TMEM132D: variants seen among roughly 807,000 people sequenced by gnomAD.
TMEM132D encodes the protein transmembrane protein 132D.
In TMEM132D, 21 loss-of-function variants were observed where a neutral mutation model predicts 62.3. That is an observed-to-expected ratio of 0.34 (90% CI 0.24 to 0.49). The LOEUF (loss-of-function observed/expected upper bound fraction) is 0.49. Ranked by LOEUF, TMEM132D falls within the 20% of genes least tolerant of loss-of-function variation. The probability of loss-of-function intolerance (pLI) is 0.99; values close to 1 mark genes in which losing one functional copy is unlikely to be tolerated. For synonymous variants in TMEM132D, 621 were observed against 575.6 expected, an observed-to-expected ratio of 1.08 and a Z score of -1.13; for missense variants, 1,346 against 1,402.8, an observed-to-expected ratio of 0.96 and a Z score of 0.65.
chr12:129,463,302 G>A (rs905947576), intron 3 of TMEM132D, among the ~76,000 whole-genome samples: 2 of 151,116 alleles, frequency 1.3e-5, no homozygotes, highest in Non-Finnish European at 2.9e-5. Context: ...TTTTATTTTG[G>A]GTCTCCAGAA....
intron 3 of TMEM132D, among the ~76,000 whole-genome samples, chr12:129,476,417 G>A (rs999486510): frequency 6.6e-6 from 1 of 152,158 alleles, no homozygotes; most frequent in Non-Finnish European, 1.5e-5. Flanking sequence ...CCCACTGCAC[G>A]TATGCCAAGT....
chr12:129,580,730 AAAATAAATAAAT>A (rs10623142), intron 2 of TMEM132D, among the ~76,000 whole-genome samples: 2 of 124,376 alleles, frequency 1.6e-5, no homozygotes, highest in African/African-American at 5.9e-5. Context: ...TAAGTAAATA[AAAATAAATAAAT>A]AAATAAATAA....
chr12:129,168,448 C>G (rs977215797), intron 5 of TMEM132D, among the ~76,000 whole-genome samples: 4 of 152,188 alleles, frequency 2.6e-5, no homozygotes, highest in African/African-American at 9.7e-5. Flanking sequence ...CTGCCAGCCC[C>G]TGTGGACCCC....
At chr12:129,421,990 C>T (rs1872337870) in intron 3 of TMEM132D, among the ~76,000 whole-genome samples, 1 of 151,740 alleles carries the variant, frequency 6.6e-6, no homozygotes, top group Non-Finnish European at 1.5e-5. Flanking sequence ...CTTTCCTTCT[C>T]CTGTGCCTTC....
chr12:129,630,429 TG>T (rs71451323), intron 2 of TMEM132D, among the ~76,000 whole-genome samples: 41,252 of 151,940 alleles, frequency 0.27, 5,973 homozygotes, highest in Middle Eastern at 0.34. Flanking sequence ...ATTCTTGATA[TG>T]GGGGTTGTTT....
intron 3 of TMEM132D, among the ~76,000 whole-genome samples, chr12:129,384,216 G>A (rs1324200724): frequency 6.6e-6 from 1 of 152,140 alleles, no homozygotes; most frequent in African/African-American, 2.4e-5. Flanking sequence ...GTCAACTACT[G>A]AACATTTAAA....
At chr12:129,477,423 A>C (rs1874297879) in intron 3 of TMEM132D, among the ~76,000 whole-genome samples, 1 of 152,224 alleles carries the variant, frequency 6.6e-6, no homozygotes, top group Non-Finnish European at 1.5e-5. Flanking sequence ...CATTTGTTAA[A>C]GTGTCCCTTT....
intron 4 of TMEM132D, among the ~76,000 whole-genome samples, chr12:129,220,880 T>C (rs995321523): frequency 1.5e-5 from 2 of 136,604 alleles, no homozygotes; most frequent in African/African-American, 6.0e-5. Flanking sequence ...TCAGGCGTAA[T>C]ATTTAAAAAT....
intron 3 of TMEM132D, among the ~76,000 whole-genome samples, chr12:129,488,861 TC>T (rs78785598): frequency 0.012 from 1,829 of 151,784 alleles, 37 homozygotes; most frequent in East Asian, 0.059. Context: ...AATTCTCTTC[TC>T]CCCAAAGCAC....
intron 2 of TMEM132D, among the ~76,000 whole-genome samples, chr12:129,618,848 A>AGGAAGAC (rs1219481843): frequency 1.3e-5 from 2 of 152,214 alleles, no homozygotes; most frequent in African/African-American, 2.4e-5. Context: ...TATATACTTT[A>AGGAAGAC]GGAAGACAGA....
At chr12:129,411,965 T>G (rs571667283) in intron 3 of TMEM132D, among the ~76,000 whole-genome samples, 1 of 152,348 alleles carries the variant, frequency 6.6e-6, no homozygotes, top group Admixed American at 6.5e-5. Flanking sequence ...CTCCTTCAAC[T>G]AGAATTACCA....
At chr12:129,166,929 C>T (rs1456130293) in intron 5 of TMEM132D, among the ~76,000 whole-genome samples, 2 of 151,874 alleles carry the variant, frequency 1.3e-5, no homozygotes, top group African/African-American at 4.8e-5. Context: ...TTTGGGAGGC[C>T]GAGGAGGGCA....
chr12:129,420,924 T>G (rs7135841), intron 3 of TMEM132D, among the ~76,000 whole-genome samples: 2 of 151,028 alleles, frequency 1.3e-5, no homozygotes, highest in African/African-American at 4.9e-5. Context: ...CCCCTCTACT[T>G]TTATTTATCT....
intron 5 of TMEM132D, among the ~76,000 whole-genome samples, chr12:129,158,166 C>T (rs569539330): frequency 1.3e-5 from 2 of 152,150 alleles, no homozygotes; most frequent in East Asian, 3.9e-4. Context: ...GGTAGCAGGG[C>T]TTAGAAGAAT....
intron 3 of TMEM132D, among the ~76,000 whole-genome samples, chr12:129,366,500 G>T (rs1391333793): frequency 6.6e-6 from 1 of 152,210 alleles, no homozygotes; most frequent in African/African-American, 2.4e-5. Flanking sequence ...CAGAAGCTGA[G>T]CAGACTCCAG....
chr12:129,374,268 T>TGAGAGA (rs1566048946), intron 3 of TMEM132D, among the ~76,000 whole-genome samples: 3 of 28,276 alleles, frequency 1.1e-4, no homozygotes, highest in African/African-American at 3.8e-4. Flanking sequence ...ACCTCACACA[T>TGAGAGA]CAGAGAGAGA....
At chr12:129,536,832 T>G (rs980823277) in intron 2 of TMEM132D, among the ~76,000 whole-genome samples, 1 of 152,278 alleles carries the variant, frequency 6.6e-6, no homozygotes, top group Non-Finnish European at 1.5e-5. Context: ...TGTTTCCAAC[T>G]TCTTTGTCAT....
chr12:129,342,318 A>G (rs892259803), intron 3 of TMEM132D, among the ~76,000 whole-genome samples: 1 of 152,214 alleles, frequency 6.6e-6, no homozygotes, highest in African/African-American at 2.4e-5. Flanking sequence ...AAAACAAGCA[A>G]TGGGGAAAGG....
intron 3 of TMEM132D, among the ~76,000 whole-genome samples, chr12:129,505,812 G>A (rs1223579784): frequency 3.9e-5 from 6 of 152,140 alleles, no homozygotes; most frequent in African/African-American, 7.2e-5. Context: ...TTGCTTTAAA[G>A]TTTGTTTCAT....
Sources: allele counts gnomAD v4.1 joint callset (sites outside exome capture counted in the v4.1 genomes callset), GRCh38; gene constraint gnomAD v4.1.1; transcripts MANE v1.5; gene names NCBI Gene and HGNC (gene_info 2026-07-23, HGNC 2026-07-21).